Variants in DTWD2 observed in about 807,000 individuals in gnomAD.
DTWD2 encodes DTW motif tRNA-uridine aminocarboxypropyltransferase 2.
Under a neutral mutation model 31.8 loss-of-function variants are expected in DTWD2, and 39 were observed. That is an observed-to-expected ratio of 1.22 (90% CI 0.95 to 1.60). The LOEUF is 1.60. Among genes scored for constraint, DTWD2 ranks in the 40% most tolerant of loss-of-function variants. The probability of loss-of-function intolerance (pLI) is 0.00; values close to 1 mark genes in which losing one functional copy is unlikely to be tolerated. For missense variants in DTWD2, 515 were observed against 381.5 expected (o/e 1.35, Z -2.92); for synonymous variants, 180 against 142.8 (o/e 1.26, Z -1.86).
intron 5 of DTWD2, among the ~76,000 whole-genome samples, chr5:118,843,350 G>A (rs1229022234): frequency 2.1e-5 from 3 of 142,146 alleles, no homozygotes; most frequent in African/African-American, 8.8e-5. Context: ...AGGGAGGCAG[G>A]GAGGGAGGAA....
At chr5:118,932,603 C>T (rs1341780898) in intron 3 of DTWD2, among the ~76,000 whole-genome samples, 1 of 152,050 alleles carries the variant, frequency 6.6e-6, no homozygotes, top group Non-Finnish European at 1.5e-5. Context: ...TAAAATGAAG[C>T]CATTAGGGTG....
intron 4 of DTWD2, among the ~76,000 whole-genome samples, chr5:118,911,652 T>C (rs1203985164): frequency 6.6e-6 from 1 of 152,126 alleles, no homozygotes; most frequent in African/African-American, 2.4e-5. Context: ...GTGGTGTGTG[T>C]ATATATATAC....
At chr5:118,970,025 T>A (rs1754947387) in intron 1 of DTWD2, among the ~76,000 whole-genome samples, 1 of 151,902 alleles carries the variant, frequency 6.6e-6, no homozygotes, top group Non-Finnish European at 1.5e-5. Context: ...ATATAAGAAA[T>A]TCACAATGCA....
At chr5:118,951,060 G>C (rs181089533) in intron 1 of DTWD2, among the ~76,000 whole-genome samples, 1 of 152,254 alleles carries the variant, frequency 6.6e-6, no homozygotes, top group Non-Finnish European at 1.5e-5. Context: ...ATGAAAAAAA[G>C]CCTAAACACT....
rs554070615 is a variant in DTWD2, at chr5:118,962,113, C to T, written c.219-17464G>A. Among the ~76,000 whole-genome samples the T allele has an allele frequency of 5.3e-5, 8 of 152,120 alleles. No individual in the cohort carries two copies. The East Asian group carries it at 1.5e-3, about 29-fold the overall frequency. ...ATTAGCTGGGCATGGTGGTGCATGCCTGTAATCCCAGCTACTCAGGAGGCT... is the reference window on the plus strand; with the variant it reads ...ATTAGCTGGGCATGGTGGTGCATGCTTGTAATCCCAGCTACTCAGGAGGCT... On this transcript the variant is annotated intron_variant, in intron 1 of 5. Transcript: ENST00000510708.
chr5:118,967,046 A>C (rs1424168913), intron 1 of DTWD2, among the ~76,000 whole-genome samples: 2 of 151,566 alleles, frequency 1.3e-5, no homozygotes, highest in Admixed American at 6.6e-5. Context: ...AAAAAAAGAC[A>C]ATCAGTAACT....
chr5:118,953,628 G>C (rs1754515774), intron 1 of DTWD2, among the ~76,000 whole-genome samples: 1 of 152,166 alleles, frequency 6.6e-6, no homozygotes, highest in African/African-American at 2.4e-5. Context: ...TGGAACCCTA[G>C]AAACTTGCTA....
chr5:118,988,207 G>C, intron 1 of DTWD2, 87 bp downstream of exon 1: 2 of 1,496,746 alleles, frequency 1.3e-6, no homozygotes, highest in South Asian at 1.2e-5. Flanking sequence ...AGAGCTGCCC[G>C]AGCCGCCGAC....
chr5:118,892,416 C>A (rs1752994731), intron 4 of DTWD2, among the ~76,000 whole-genome samples: 1 of 152,052 alleles, frequency 6.6e-6, no homozygotes, highest in Non-Finnish European at 1.5e-5. Context: ...AAAAACTATG[C>A]CTGTTCACAG....
intron 4 of DTWD2, among the ~76,000 whole-genome samples, chr5:118,894,911 TG>T (rs574599490): frequency 6.6e-6 from 1 of 152,076 alleles, no homozygotes; most frequent in Non-Finnish European, 1.5e-5. Flanking sequence ...TCACACTGAA[TG>T]GGGGACAACT....
chr5:118,900,510 GA>G (rs1248368297), intron 4 of DTWD2, among the ~76,000 whole-genome samples: 7 of 151,966 alleles, frequency 4.6e-5, no homozygotes, highest in South Asian at 2.1e-4. Context: ...TCATTTTATA[GA>G]AAAAAATGTA....
At chr5:118,976,222 C>T (rs983168863) in intron 1 of DTWD2, among the ~76,000 whole-genome samples, 2 of 152,118 alleles carry the variant, frequency 1.3e-5, no homozygotes, top group Non-Finnish European at 2.9e-5. Flanking sequence ...GTACTAAATG[C>T]CCACAGGAGA....
intron 1 of DTWD2, among the ~76,000 whole-genome samples, chr5:118,975,705 G>A (rs1755138589): frequency 6.6e-6 from 1 of 151,658 alleles, no homozygotes; most frequent in South Asian, 2.1e-4. Context: ...CTTTGGATGG[G>A]GTTTCTGTAA....
chr5:118,945,764 CAAAA>C (rs748130109), intron 1 of DTWD2, among the ~76,000 whole-genome samples: 11 of 57,722 alleles, frequency 1.9e-4, no homozygotes, highest in African/African-American at 7.8e-4. Flanking sequence ...GACTCCAACT[CAAAA>C]AAAAAAAAAG....
chr5:118,851,629 C>G (rs189311626), intron 4 of DTWD2, among the ~76,000 whole-genome samples: 1 of 139,846 alleles, frequency 7.2e-6, no homozygotes, highest in African/African-American at 2.7e-5. Flanking sequence ...CAGAAAACAG[C>G]GTTCGACAAT....
intron 4 of DTWD2, among the ~76,000 whole-genome samples, chr5:118,909,693 A>C (rs1414218312): frequency 6.6e-6 from 1 of 152,198 alleles, no homozygotes; most frequent in East Asian, 1.9e-4. Context: ...ATAAGCACAG[A>C]TAAGAGTCCA....
At chr5:118,924,345 T>A (rs1460950353) in intron 4 of DTWD2, among the ~76,000 whole-genome samples, 2 of 152,196 alleles carry the variant, frequency 1.3e-5, no homozygotes, top group African/African-American at 4.8e-5. Context: ...CAGAACTGCC[T>A]GAGAACCAGA....
rs758934760 is a variant in DTWD2 at position 118,848,127 on chromosome 5, G to A, written c.689C>T (p.Ala230Val). 2 of 1,587,396 alleles carry A rather than the reference G, an allele frequency of 1.3e-6. No homozygotes were observed. Among genetic ancestry groups the A allele is most frequent in the Non-Finnish European group, 1.7e-6 (2 of 1,168,512 alleles). The change falls in exon 5 of 6, where the codon GCT becomes GTT. Residue 230 changes from alanine to valine, a missense_variant. Physicochemically the swap from Ala to Val is moderately conservative, Grantham distance 64. Transcript: ENST00000510708. The stretch of plus-strand genomic sequence containing the variant: ...ATTATTTTTCTCCAAGATGGAAAGA[G>A]CAACAGCTGCACACTCCAGTGTAGA... ...CLSTLECAAV[A>V]LSILEKNNYI...
At chr5:118,863,985 T>C (rs1752324967) in intron 4 of DTWD2, among the ~76,000 whole-genome samples, 1 of 151,026 alleles carries the variant, frequency 6.6e-6, no homozygotes, top group Non-Finnish European at 1.5e-5. Flanking sequence ...AAGTCCTCCA[T>C]AATCTGGGCC....
Sources: gnomAD v4.1 joint callset for allele counts (sites outside exome capture counted in the v4.1 genomes callset) on GRCh38, gnomAD v4.1.1 for gene constraint, MANE v1.5 for transcripts, NCBI Gene and HGNC (gene_info 2026-07-23, HGNC 2026-07-21) for gene names.